The following CYYR1 variants were observed in gnomAD, a reference collection of about 807,000 sequenced individuals.
CYYR1 encodes cysteine and tyrosine rich 1, also known as cysteine and tyrosine-rich protein 1.
In CYYR1, 14 loss-of-function variants were observed where a neutral mutation model predicts 15.2. The observed-to-expected ratio is 0.92, with a 90% CI of 0.61 to 1.44. The LOEUF (loss-of-function observed/expected upper bound fraction) is 1.44. Among genes scored for constraint, CYYR1 ranks in the 40% most tolerant of loss-of-function variants. CYYR1 has a pLI of 0.00. For synonymous variants in CYYR1, 80 were observed against 77.4 expected (o/e 1.03, Z -0.18); for missense variants, 228 against 209.5 (o/e 1.09, Z -0.54).
At chr21:26,546,966 G>C (rs1288005357) in intron 2 of CYYR1, among the ~76,000 whole-genome samples, 1 of 152,148 alleles carries the variant, frequency 6.6e-6, no homozygotes, top group East Asian at 1.9e-4. Context: ...TCTAGACAAT[G>C]AAGGCGGAAG....
intron 2 of CYYR1, among the ~76,000 whole-genome samples, chr21:26,513,776 A>G (rs557960108): frequency 6.6e-6 from 1 of 152,110 alleles, no homozygotes; most frequent in East Asian, 1.9e-4. Flanking sequence ...AAGTCCAAAG[A>G]GGAAAAAACC....
At chr21:26,492,838 C>T (rs931450451) in intron 2 of CYYR1, among the ~76,000 whole-genome samples, 5 of 152,072 alleles carry the variant, frequency 3.3e-5, no homozygotes, top group Admixed American at 6.6e-5. Context: ...GAAAGACACA[C>T]GCATATGCAT....
intron 2 of CYYR1, chr21:26,518,439 G>C (rs1324744657): frequency 6.6e-6 from 1 of 152,230 alleles, no homozygotes; most frequent in African/African-American, 2.4e-5. Context: ...CTTGATAAAA[G>C]GATGAGTTTG....
chr21:26,488,244 C>A (rs219618), intron 2 of CYYR1, among the ~76,000 whole-genome samples: 1,519 of 83,906 alleles, frequency 0.018, 11 homozygotes, highest in Non-Finnish European at 0.028. Context: ...TCCCCTACTT[C>A]CTTCCTTCCT....
chr21:26,544,399 T>C (rs2123660023), intron 2 of CYYR1, among the ~76,000 whole-genome samples: 1 of 152,298 alleles, frequency 6.6e-6, no homozygotes, highest in African/African-American at 2.4e-5. Context: ...TAAAATAAGA[T>C]TTATGCCTGG....
chr21:26,470,865 C>A (rs1044330388), intron 3 of CYYR1: 6 of 152,498 alleles, frequency 3.9e-5, no homozygotes, highest in Non-Finnish European at 5.9e-5. Context: ...GAAGGAGCCA[C>A]AGAACTGAGT....
intron 2 of CYYR1, among the ~76,000 whole-genome samples, chr21:26,509,463 CTGGAGA>C (rs2065616517): frequency 6.6e-6 from 1 of 152,054 alleles, no homozygotes; most frequent in African/African-American, 2.4e-5. Flanking sequence ...AACATCTTAA[CTGGAGA>C]TGATATATTA....
At chr21:26,474,273 TC>T (rs971509824) in intron 3 of CYYR1, among the ~76,000 whole-genome samples, 2 of 152,040 alleles carry the variant, frequency 1.3e-5, no homozygotes, top group African/African-American at 4.8e-5. Context: ...CAGGCTGGTC[TC>T]GAACTTCTGA....
At chr21:26,545,801 T>C (rs1018638030) in intron 2 of CYYR1, among the ~76,000 whole-genome samples, 1 of 152,018 alleles carries the variant, frequency 6.6e-6, no homozygotes, top group African/African-American at 2.4e-5. Context: ...GCCAGGATGG[T>C]CTCGATCTCC....
At chr21:26,494,613 G>A (rs997780980) in intron 2 of CYYR1, among the ~76,000 whole-genome samples, 1 of 151,992 alleles carries the variant, frequency 6.6e-6, no homozygotes, top group Non-Finnish European at 1.5e-5. Context: ...GCAGTAGTTG[G>A]TGTGGAAGAT....
At chr21:26,570,860 G>A (rs1980964548) in intron 1 of CYYR1, among the ~76,000 whole-genome samples, 1 of 152,006 alleles carries the variant, frequency 6.6e-6, no homozygotes, top group African/African-American at 2.4e-5. Context: ...TTGATCACAC[G>A]ATATCCTACT....
chr21:26,518,979 C>G, intron 2 of CYYR1, among the ~76,000 whole-genome samples: 1 of 152,138 alleles, frequency 6.6e-6, no homozygotes, highest in East Asian at 1.9e-4. Flanking sequence ...TGTTTGTGAT[C>G]CACTGCAAAC....
At chr21:26,483,216 T>C (rs956582251) in intron 2 of CYYR1, among the ~76,000 whole-genome samples, 2 of 152,086 alleles carry the variant, frequency 1.3e-5, no homozygotes, top group African/African-American at 4.8e-5. Flanking sequence ...CCCCTCCCTG[T>C]TTCCAGTGTC....
At chr21:26,555,361 ATGT>A (rs1284716019) in intron 2 of CYYR1, among the ~76,000 whole-genome samples, 1 of 152,182 alleles carries the variant, frequency 6.6e-6, no homozygotes, top group Non-Finnish European at 1.5e-5. Context: ...TTTAAAAAAA[ATGT>A]TGTATCCACA....
At chr21:26,504,376 T>C (rs905274867) in intron 2 of CYYR1, among the ~76,000 whole-genome samples, 2 of 152,138 alleles carry the variant, frequency 1.3e-5, no homozygotes, top group Non-Finnish European at 2.9e-5. Flanking sequence ...GTTCAAGCGA[T>C]TCTCCTGCCT....
intron 2 of CYYR1, among the ~76,000 whole-genome samples, chr21:26,522,693 T>C (rs912393200): frequency 2.0e-5 from 3 of 152,188 alleles, no homozygotes; most frequent in African/African-American, 7.2e-5. Flanking sequence ...GTTCCTGCCC[T>C]TGAAAATCTA....
intron 2 of CYYR1, among the ~76,000 whole-genome samples, chr21:26,480,886 A>G (rs191255552): frequency 6.6e-6 from 1 of 152,190 alleles, no homozygotes; most frequent in African/African-American, 2.4e-5. Context: ...TTCCTGATTA[A>G]CACTCTTCAT....
chr21:26,499,285 C>T (rs778499570), intron 2 of CYYR1, among the ~76,000 whole-genome samples: 1 of 152,058 alleles, frequency 6.6e-6, no homozygotes, highest in Middle Eastern at 3.4e-3. Flanking sequence ...CACACAGGGG[C>T]GATGTGACAG....
At chr21:26,542,275 A>ATGTG (rs1425715642) in intron 2 of CYYR1, among the ~76,000 whole-genome samples, 35 of 57,022 alleles carry the variant, frequency 6.1e-4, no homozygotes, top group African/African-American at 1.8e-3. Context: ...GAGAGAGAGA[A>ATGTG]TATGTGTGTG....
Sources: gnomAD v4.1 joint callset for allele counts (sites outside exome capture counted in the v4.1 genomes callset) on GRCh38, gnomAD v4.1.1 for gene constraint, MANE v1.5 for transcripts, NCBI Gene and HGNC (gene_info 2026-07-23, HGNC 2026-07-21) for gene names.